MAPK8: variants seen among roughly 807,000 people sequenced by gnomAD.
The protein encoded by MAPK8 is mitogen-activated protein kinase 8, also known as JUN N-terminal kinase.
A neutral mutation model predicts 52.9 loss-of-function variants in MAPK8; 13 were observed. The ratio of observed to expected loss-of-function variants is 0.25; its 90% CI spans 0.16 to 0.39. The LOEUF (loss-of-function observed/expected upper bound fraction) is 0.39. Among genes scored for constraint, MAPK8 ranks in the 10% least tolerant of loss-of-function variants. MAPK8 has a pLI of 1.00. For missense variants in MAPK8, 300 were observed against 519.2 expected (o/e 0.58, Z 4.10); for synonymous variants, 191 against 169.8 (o/e 1.12, Z -0.97).
At chr10:48,395,882 A>G (rs2041862760) in intron 1 of MAPK8, among the ~76,000 whole-genome samples, 1 of 152,120 alleles carries the variant, frequency 6.6e-6, no homozygotes, top group African/African-American at 2.4e-5. Flanking sequence ...CAGTGGGGAG[A>G]AATGATGCTT....
chr10:48,388,819 C>CGTAAAG (rs1315762529), intron 1 of MAPK8, among the ~76,000 whole-genome samples: 3 of 152,126 alleles, frequency 2.0e-5, no homozygotes, highest in Non-Finnish European at 4.4e-5. Context: ...CCTAGGCTGG[C>CGTAAAG]TTACTCTTCA....
rs1406003607 is a variant in MAPK8, at chr10:48,401,688, T to A, written c.28T>A (p.Phe10Ile). Residue 10 changes from phenylalanine (F) to isoleucine (I), a missense_variant, in exon 2 of 12, where the codon TTT becomes ATT. Phe to Ile is a conservative substitution (Grantham distance 21, BLOSUM62 0). Transcript: ENST00000374189. MSRSKRDNN[F>I]YSVEIGDSTF... ...GAGCAGAAGCAAGCGTGACAACAAT[T>A]TTTATAGTGTAGAGATTGGAGATTC... 5.0e-6 allele frequency: 8 copies of A among 1,609,598 alleles called. No homozygotes were observed.
intron 1 of MAPK8, among the ~76,000 whole-genome samples, chr10:48,339,356 A>G (rs1456341666): frequency 2.6e-5 from 4 of 152,206 alleles, no homozygotes; most frequent in African/African-American, 4.8e-5. Flanking sequence ...TATTCAATAA[A>G]TGGTGCTGGG....
intron 1 of MAPK8, among the ~76,000 whole-genome samples, chr10:48,309,817 C>T (rs1841797798): frequency 6.6e-6 from 1 of 152,136 alleles, no homozygotes; most frequent in African/African-American, 2.4e-5. Context: ...ATTAGGATTC[C>T]AGTGCTCTAG....
chr10:48,313,983 TGA>T (rs144490865), intron 1 of MAPK8, among the ~76,000 whole-genome samples: 14,468 of 152,262 alleles, frequency 0.095, 719 homozygotes, highest in Non-Finnish European at 0.11. Flanking sequence ...TTAATATAGC[TGA>T]GAGATTATTT....
intron 1 of MAPK8, among the ~76,000 whole-genome samples, chr10:48,329,904 G>C (rs1843945903): frequency 1.3e-5 from 2 of 152,182 alleles, no homozygotes; most frequent in African/African-American, 2.4e-5. Flanking sequence ...AACTACTGCT[G>C]ATGAGAGGAA....
chr10:48,386,289 A>G (rs2041307334), intron 1 of MAPK8, among the ~76,000 whole-genome samples: 1 of 152,192 alleles, frequency 6.6e-6, no homozygotes, highest in Admixed American at 6.5e-5. Context: ...CAAGTAGTAC[A>G]CTGTACAAAG....
At chr10:48,433,279 AT>A (rs1457310850) in intron 11 of MAPK8, among the ~76,000 whole-genome samples, 2 of 152,230 alleles carry the variant, frequency 1.3e-5, no homozygotes, top group African/African-American at 2.4e-5. Flanking sequence ...AGATTAAGAC[AT>A]TTGGGTAAAA....
intron 10 of MAPK8, among the ~76,000 whole-genome samples, chr10:48,427,922 A>T (rs1413294714): frequency 6.6e-6 from 1 of 152,210 alleles, no homozygotes; most frequent in Non-Finnish European, 1.5e-5. Flanking sequence ...GACCATTTAA[A>T]TTGTGTCCAG....
chr10:48,350,445 G>C (rs183478308), intron 1 of MAPK8, among the ~76,000 whole-genome samples: 1 of 152,308 alleles, frequency 6.6e-6, no homozygotes, highest in African/African-American at 2.4e-5. Context: ...TCATCCCTGG[G>C]ATGCAAGGCT....
intron 6 of MAPK8, among the ~76,000 whole-genome samples, chr10:48,423,055 A>AT (rs2043457164): frequency 6.6e-6 from 1 of 152,124 alleles, no homozygotes; most frequent in Admixed American, 6.6e-5. Context: ...TTCCTTCTAA[A>AT]TTGCTCATTC....
intron 5 of MAPK8, among the ~76,000 whole-genome samples, chr10:48,413,859 A>ATATATT (rs1491461913): frequency 8.0e-6 from 1 of 124,766 alleles, no homozygotes; most frequent in Non-Finnish European, 1.7e-5. Context: ...ATATATATAT[A>ATATATT]TTCAGAAATA....
At chr10:48,433,244 A>G (rs981711399) in intron 11 of MAPK8, among the ~76,000 whole-genome samples, 1 of 152,218 alleles carries the variant, frequency 6.6e-6, no homozygotes, top group Non-Finnish European at 1.5e-5. Context: ...AAAGTTAACA[A>G]TGCATTTAAA....
rs142342900 is a variant in MAPK8 at position 48,426,473 on chromosome 10, A to G, written c.965A>G (p.Asn322Ser). The G allele has an allele frequency of 5.0e-5, 80 of 1,611,824 alleles. No homozygotes were observed. The highest frequency in any genetic ancestry group is 1.5e-4 in the Admixed American group (9 of 59,496). The change falls in exon 9 of 12, where the codon AAT becomes AGT. Residue 322 changes from asparagine to serine, a missense_variant. Asn to Ser is a conservative substitution (Grantham distance 46). Coordinates refer to ENST00000374189, the MANE Select transcript of MAPK8 (RefSeq NM_001323329.2). ...VDEALQHPYI[N>S]VWYDPSEAEA... ...GAAGCTCTCCAACACCCGTACATCA[A>G]TGTCTGGTATGATCCTTCTGAAGCA...
chr10:48,323,115 G>A (rs1458128453), intron 1 of MAPK8, among the ~76,000 whole-genome samples: 1 of 152,124 alleles, frequency 6.6e-6, no homozygotes, highest in Non-Finnish European at 1.5e-5. Context: ...GAAATTATTA[G>A]AAAAGGGGGA....
chr10:48,358,657 T>C (rs1480541246), intron 1 of MAPK8, among the ~76,000 whole-genome samples: 5 of 152,222 alleles, frequency 3.3e-5, no homozygotes, highest in Admixed American at 2.6e-4. Context: ...GCTTGTGCCT[T>C]TGATGTCATA....
chr10:48,397,264 T>G (rs2041934179), intron 1 of MAPK8, among the ~76,000 whole-genome samples: 1 of 152,030 alleles, frequency 6.6e-6, no homozygotes, highest in African/African-American at 2.4e-5. Context: ...TCCTTCTGCC[T>G]CAGCCTCCCA....
At position 48,335,011 on chromosome 10, in the gene MAPK8, C is replaced by A. The variant is rs80209989; in HGVS notation, c.-50+28190C>A. Among the ~76,000 whole-genome samples, 6 of 152,236 alleles carry A rather than the reference C, an allele frequency of 3.9e-5. 1 individual carries two copies. Among genetic ancestry groups the A allele is most frequent in the Admixed American group, 3.9e-4 (6 of 15,288 alleles). The stretch of plus-strand genomic sequence containing the variant: ...CTTCCTCACTTAAGTTTCGATTTTC[C>A]GATAGCAAAACTTTTCCCTTTCATG... On this transcript the variant is annotated intron_variant, in intron 1 of 11. Transcript: ENST00000374189.
chr10:48,426,209 G>T (rs1381236087), intron 8 of MAPK8, 139 bp downstream of exon 8: 4 of 937,860 alleles, frequency 4.3e-6, no homozygotes, highest in Non-Finnish European at 5.9e-6. Context: ...AAAAAATGAG[G>T]TTTTTGTTTT....
Sources: gnomAD v4.1 joint callset for allele counts (sites outside exome capture counted in the v4.1 genomes callset) on GRCh38, gnomAD v4.1.1 for gene constraint, MANE v1.5 for transcripts, NCBI Gene and HGNC (gene_info 2026-07-23, HGNC 2026-07-21) for gene names.